Variants in NTN4 observed in about 807,000 individuals in gnomAD.
NTN4 encodes the protein netrin 4.
A neutral mutation model predicts 73.6 loss-of-function variants in NTN4; 32 were observed. That is an observed-to-expected ratio of 0.44 (90% CI 0.33 to 0.58). The LOEUF (loss-of-function observed/expected upper bound fraction) is 0.58. NTN4 is among the 20% of genes least tolerant of loss of function. The pLI, the probability that NTN4 is intolerant of heterozygous loss-of-function variation, is 0.04. For synonymous variants in NTN4, 258 were observed against 287.5 expected, an observed-to-expected ratio of 0.90 and a Z score of 1.04; for missense variants, 654 against 798.3, an observed-to-expected ratio of 0.82 and a Z score of 2.18.
intron 2 of NTN4, among the ~76,000 whole-genome samples, chr12:95,771,090 C>T (rs943622274): frequency 2.7e-5 from 4 of 150,614 alleles, no homozygotes; most frequent in African/African-American, 4.9e-5. Context: ...CCCGGGTTCA[C>T]GCCATTCTCC....
intron 5 of NTN4, among the ~76,000 whole-genome samples, chr12:95,702,287 CA>C (rs1157685750): frequency 3.9e-4 from 15 of 38,172 alleles, no homozygotes; most frequent in East Asian, 1.4e-3. Context: ...CTCAAAAGAA[CA>C]AAAAAAAAAC....
At chr12:95,767,721 C>A (rs914508360) in intron 2 of NTN4, among the ~76,000 whole-genome samples, 28 of 152,146 alleles carry the variant, frequency 1.8e-4, no homozygotes, top group Non-Finnish European at 4.1e-4. Flanking sequence ...AAAAACTAAG[C>A]AACGCCCCCC....
intron 3 of NTN4, among the ~76,000 whole-genome samples, chr12:95,735,821 A>G (rs745424021): frequency 1.3e-5 from 2 of 152,130 alleles, no homozygotes; most frequent in Non-Finnish European, 2.9e-5. Flanking sequence ...AAGTGTTGTT[A>G]ACTCTGAAAG....
intron 2 of NTN4, among the ~76,000 whole-genome samples, chr12:95,771,375 G>A (rs1278110662): frequency 2.0e-5 from 3 of 151,946 alleles, no homozygotes; most frequent in African/African-American, 7.3e-5. Context: ...TCTCAATGTT[G>A]GTTTTCCCTT....
chr12:95,764,855 C>T (rs1247372377), intron 2 of NTN4, among the ~76,000 whole-genome samples: 2 of 152,160 alleles, frequency 1.3e-5, no homozygotes, highest in African/African-American at 4.8e-5. Flanking sequence ...AACTCCCTAA[C>T]TTGAACAGGA....
At chr12:95,659,962 T>C (rs1038744734) in intron 9 of NTN4, among the ~76,000 whole-genome samples, 2 of 152,198 alleles carry the variant, frequency 1.3e-5, no homozygotes, top group African/African-American at 4.8e-5. Flanking sequence ...ACATCTTGGA[T>C]ACTCACTGTG....
chr12:95,746,339 G>A (rs144879560), intron 2 of NTN4, among the ~76,000 whole-genome samples: 3,482 of 152,094 alleles, frequency 0.023, 45 homozygotes, highest in East Asian at 0.04. Flanking sequence ...CCATTTATCC[G>A]TTTAACTTTT....
rs904113535 is a variant in NTN4, at chr12:95,789,937, C to T, written c.55+318G>A. The T allele has an allele frequency of 3.4e-6, 1 of 297,692 alleles. No individual in the cohort carries two copies. Among genetic ancestry groups the T allele is most frequent in the Non-Finnish European group, 6.2e-6 (1 of 160,740 alleles). 18.4% of individuals were successfully genotyped at this position (297,692 alleles called of 1,614,324 possible). ...GTGCCGGGGGATGGCGAGCTGGGTC[C>T]TTTGTTCCCTCACCAAGTGGAAAAG... On this transcript the variant is annotated intron_variant, in intron 1 of 9. Coordinates refer to ENST00000343702, the MANE Select transcript of NTN4 (RefSeq NM_021229.4). This position sits in a 1 kb window ranked among gnomAD's most constrained non-coding sequence, Gnocchi z 4.0.
chr12:95,763,490 G>A (rs2079002100), intron 2 of NTN4, among the ~76,000 whole-genome samples: 2 of 152,142 alleles, frequency 1.3e-5, no homozygotes, highest in Non-Finnish European at 2.9e-5. Flanking sequence ...CTTCAACATG[G>A]AAATCCTTCA....
rs1029035359 is a variant in NTN4 at position 95,688,617 on chromosome 12, T to C, written c.1181-4906A>G. Among the ~76,000 whole-genome samples, 4 of 152,068 alleles carry C rather than the reference T, an allele frequency of 2.6e-5. 1 individual carries two copies. The highest frequency in any genetic ancestry group is 9.7e-5 in the African/African-American group (4 of 41,392). On this transcript the variant is annotated intron_variant, in intron 5 of 9. Transcript: ENST00000343702. ...TACAGTTTTGAGAGTTGTCACCCAG[T>C]GGCAGTTGAAATTAGGAGGGCTAGA... is the stretch of plus-strand genomic sequence containing the variant.
In NTN4 at chr12:95,779,577, T is replaced by A. The variant is rs2079117963; in HGVS notation, c.585+7362A>T. Among the ~76,000 whole-genome samples the A allele has an allele frequency of 1.3e-5, 2 of 151,894 alleles. 1 individual carries two copies. The highest frequency in any genetic ancestry group is 4.2e-4 in the South Asian group (2 of 4,812). On this transcript the variant is annotated intron_variant, in intron 2 of 9. Transcript: ENST00000343702. ...CACAATTGTTTCAAAGAGAATAAAA[T>A]ACCTAGGAATCCAACTTACAAGGGA...
chr12:95,782,381 C>T lies in NTN4; in HGVS notation c.585+4558G>A, dbSNP rs779091556. On this transcript the variant is annotated intron_variant, in intron 2 of 9. Transcript: ENST00000343702. ...CGTGATCTCGGGTCACTGCAACCTCCGCCTCCCAGGTTCAAGCAATTCTCG... is the reference window on the plus strand; with the variant it reads ...CGTGATCTCGGGTCACTGCAACCTCTGCCTCCCAGGTTCAAGCAATTCTCG... Among the ~76,000 whole-genome samples the T allele has an allele frequency of 8.9e-4, 135 of 152,012 alleles. 2 individuals carry two copies. The highest frequency in any genetic ancestry group is 3.4e-3 in the Middle Eastern group (1 of 294).
chr12:95,669,244 T>A (rs1464067605), intron 8 of NTN4, among the ~76,000 whole-genome samples: 3 of 151,102 alleles, frequency 2.0e-5, no homozygotes, highest in Non-Finnish European at 4.4e-5. Context: ...TAGGCAAGAA[T>A]GTGTTGGCAA....
At chr12:95,771,351 A>T (rs112017467) in intron 2 of NTN4, among the ~76,000 whole-genome samples, 6,574 of 152,244 alleles carry the variant, frequency 0.043, 471 homozygotes, top group African/African-American at 0.15. Flanking sequence ...AAACTGTTGT[A>T]TTCTACGATG....
At chr12:95,727,618 G>T (rs543314556) in intron 3 of NTN4, among the ~76,000 whole-genome samples, 2 of 152,248 alleles carry the variant, frequency 1.3e-5, no homozygotes, top group South Asian at 2.1e-4. Flanking sequence ...GGCCACAAAT[G>T]TATAAGTTTA....
At chr12:95,725,343 G>C (rs1429474016) in intron 3 of NTN4, among the ~76,000 whole-genome samples, 1 of 152,084 alleles carries the variant, frequency 6.6e-6, no homozygotes. Context: ...TTTAGAAGTT[G>C]TTATAATTAG....
chr12:95,735,949 A>ATTTT (rs869136440), intron 3 of NTN4, among the ~76,000 whole-genome samples: 1,963 of 136,968 alleles, frequency 0.014, 31 homozygotes, highest in African/African-American at 0.028. Flanking sequence ...TTATTTATTT[A>ATTTT]TTTTTTTGAG....
intron 5 of NTN4, among the ~76,000 whole-genome samples, chr12:95,704,060 C>A (rs1438257123): frequency 1.3e-5 from 2 of 148,266 alleles, no homozygotes; most frequent in East Asian, 5.6e-4. Context: ...TCCTGAGGAG[C>A]TGGGATGTCA....
Position 95,695,523 on chromosome 12 carries a change from C to G in NTN4, c.1181-11812G>C, listed in dbSNP as rs184101357. Among the ~76,000 whole-genome samples the G allele has an allele frequency of 3.0e-3, 452 of 152,172 alleles. 3 individuals are homozygous for G. The highest frequency in any genetic ancestry group is 0.01 in the African/African-American group (432 of 41,526). On this transcript the variant is annotated intron_variant, in intron 5 of 9. Transcript: ENST00000343702. ...GGGGTTACAGGTGTGTGCCACCACA[C>G]CTGGCTAATTTTTGTATTTTCAGTA...
Sources: gnomAD v4.1 joint callset for allele counts (sites outside exome capture counted in the v4.1 genomes callset) on GRCh38, gnomAD v4.1.1 for gene constraint, Gnocchi (gnomAD v3.1) non-coding constraint, MANE v1.5 for transcripts, NCBI Gene and HGNC (gene_info 2026-07-23, HGNC 2026-07-21) for gene names.